DNAJB6: variants seen among roughly 807,000 people sequenced by gnomAD.
The protein encoded by DNAJB6 is dnaJ homolog subfamily B member 6.
DNAJB6 carries 16 observed loss-of-function variants against 42.7 expected under a neutral mutation model. That is an observed-to-expected ratio of 0.37 (90% confidence interval 0.25 to 0.57). The LOEUF (loss-of-function observed/expected upper bound fraction) is 0.57. Among genes scored for constraint, DNAJB6 ranks in the 20% least tolerant of loss-of-function variants. DNAJB6 has a pLI of 0.74. For synonymous variants in DNAJB6, 170 were observed against 163.5 expected (o/e 1.04, Z -0.30); for missense variants, 347 against 416.8 (o/e 0.83, Z 1.46).
At chr7:157,361,651 T>A (rs2116965488) in intron 2 of DNAJB6, among the ~76,000 whole-genome samples, 1 of 152,324 alleles carries the variant, frequency 6.6e-6, no homozygotes, top group Non-Finnish European at 1.5e-5. Flanking sequence ...TAGTCTGAAA[T>A]TTTGAGGGGT....
intron 1 of DNAJB6, among the ~76,000 whole-genome samples, chr7:157,346,906 A>T (rs1287185648): frequency 2.6e-5 from 4 of 152,090 alleles, no homozygotes; most frequent in South Asian, 2.1e-4. Flanking sequence ...CCCAGGCTGC[A>T]GTGCAGTGGT....
intron 1 of DNAJB6, among the ~76,000 whole-genome samples, chr7:157,356,999 T>TCA: frequency 6.6e-6 from 1 of 150,484 alleles, no homozygotes; most frequent in Admixed American, 6.6e-5. Context: ...AGGACTTCCA[T>TCA]AAAAACAAGA....
intron 7 of DNAJB6, 28 bp from the exon 8 acceptor site, chr7:157,385,513 G>A (rs979837703): frequency 6.2e-7 from 1 of 1,607,464 alleles, no homozygotes. Context: ...TTACCAGAAA[G>A]GTTTTTAAAT....
chr7:157,372,993 C>T (rs895144668), intron 5 of DNAJB6, among the ~76,000 whole-genome samples: 1 of 152,230 alleles, frequency 6.6e-6, no homozygotes, highest in Admixed American at 6.5e-5. Flanking sequence ...TGGCCTCCAA[C>T]CGCTAGGCTC....
chr7:157,390,272 G>A (rs935860915), intron 8 of DNAJB6, among the ~76,000 whole-genome samples: 7 of 152,252 alleles, frequency 4.6e-5, no homozygotes, highest in African/African-American at 1.7e-4. Context: ...ATGTGGATCC[G>A]AAGGACCTGC....
Position 157,367,382 on chromosome 7 carries a change from A to C in DNAJB6, c.245A>C (p.His82Pro). ...GLNGGGGGGSHFDSPFEFGFT... is the reference protein window; with the variant it reads ...GLNGGGGGGSPFDSPFEFGFT... The stretch of plus-strand genomic sequence containing the variant: ...TGTTGTATTTGTGCAGGTGGAAGTC[A>C]TTTTGACAGTCCATTTGAATTTGGC... Residue 82 changes from histidine to proline, a missense_variant, in exon 5 of 10, where the codon CAT becomes CCT. His to Pro is a moderately conservative substitution (Grantham distance 77). Around this residue, in one of 3 missense-constraint regions of DNAJB6, gnomAD observed 78 missense variants for 102.1 expected, o/e 0.76. Coordinates refer to ENST00000262177, the MANE Select transcript of DNAJB6 (RefSeq NM_058246.4). 6.2e-7 allele frequency: 1 copy of C among 1,609,440 alleles called. No individual in the cohort carries two copies. The highest frequency in any genetic ancestry group is 8.5e-7 in the Non-Finnish European group (1 of 1,175,700).
At chr7:157,359,581 C>T (rs372745416) in intron 2 of DNAJB6, among the ~76,000 whole-genome samples, 6 of 151,860 alleles carry the variant, frequency 4.0e-5, no homozygotes, top group South Asian at 2.1e-4. Flanking sequence ...CCTAGCACTT[C>T]GAGAGGCCTA....
chr7:157,388,779 A>T (rs1477051824), intron 8 of DNAJB6, among the ~76,000 whole-genome samples: 1 of 152,018 alleles, frequency 6.6e-6, no homozygotes, highest in South Asian at 2.1e-4. Flanking sequence ...TTTTGTCTGG[A>T]GGGCTCAATA....
At chr7:157,410,215 C>T (rs1363381697) in intron 9 of DNAJB6, 7 of 1,203,136 alleles carry the variant, frequency 5.8e-6, no homozygotes, top group East Asian at 5.7e-5. Context: ...ACCGTTAAAA[C>T]GGGGTCCGCG....
chr7:157,403,750 A>T (rs1795629439), intron 8 of DNAJB6, among the ~76,000 whole-genome samples: 1 of 152,190 alleles, frequency 6.6e-6, no homozygotes, highest in African/African-American at 2.4e-5. Flanking sequence ...TTGTCGTTTC[A>T]CAATACCTTG....
intron 8 of DNAJB6, among the ~76,000 whole-genome samples, chr7:157,398,283 G>A (rs1047765270): frequency 6.6e-6 from 1 of 152,194 alleles, no homozygotes; most frequent in Non-Finnish European, 1.5e-5. Context: ...CTTCTGATGG[G>A]CCAGGCATGC....
chr7:157,355,270 C>T (rs188808402), intron 1 of DNAJB6, among the ~76,000 whole-genome samples: 1 of 152,350 alleles, frequency 6.6e-6, no homozygotes, highest in East Asian at 1.9e-4. Flanking sequence ...ACGCCGTTCT[C>T]CTGCCTCACC....
intron 1 of DNAJB6, among the ~76,000 whole-genome samples, chr7:157,348,449 C>T (rs1253369638): frequency 6.6e-6 from 1 of 152,140 alleles, no homozygotes; most frequent in Non-Finnish European, 1.5e-5. Flanking sequence ...TGCACCAGTC[C>T]TAGCGTTTGT....
chr7:157,385,353 T>A (rs1801000283), intron 7 of DNAJB6, among the ~76,000 whole-genome samples, 188 bp from the exon 8 acceptor site: 1 of 152,226 alleles, frequency 6.6e-6, no homozygotes, highest in African/African-American at 2.4e-5. Context: ...ACAATTTATT[T>A]TGTCAGGTTA....
chr7:157,352,407 C>G (rs1334128404), intron 1 of DNAJB6, among the ~76,000 whole-genome samples: 1 of 151,382 alleles, frequency 6.6e-6, no homozygotes, highest in Admixed American at 6.6e-5. Flanking sequence ...TTGCTGAAGG[C>G]TTTATTTAAT....
intron 2 of DNAJB6, among the ~76,000 whole-genome samples, chr7:157,359,493 G>A (rs1799472073): frequency 6.6e-6 from 1 of 152,108 alleles, no homozygotes; most frequent in African/African-American, 2.4e-5. Context: ...GGTTATATTT[G>A]TGAGCCACTG....
At position 157,382,339 on chromosome 7, in the gene DNAJB6, T is replaced by C; in HGVS notation, c.440T>C (p.Phe147Ser). The C allele has an allele frequency of 6.2e-7, 1 of 1,611,430 alleles. No individual in the cohort carries two copies. Among genetic ancestry groups the C allele is most frequent in the Non-Finnish European group, 8.5e-7 (1 of 1,179,660 alleles). The stretch of plus-strand genomic sequence containing the variant: ...TCGTTTTTCTCTGCGTTCAGTGGAT[T>C]TCCGTCTTTTGGAAGTGGATTTTCT... ...TGSFFSAFSG[F>S]PSFGSGFSSF... Residue 147 changes from phenylalanine (F) to serine (S), a missense_variant, in exon 6 of 10, where the codon TTT becomes TCT. By Grantham distance (155) the Phe-to-Ser change is radical. Coordinates refer to ENST00000262177, the MANE Select transcript of DNAJB6 (RefSeq NM_058246.4).
intron 5 of DNAJB6, among the ~76,000 whole-genome samples, chr7:157,376,602 A>G (rs1800484780): frequency 1.3e-5 from 2 of 152,178 alleles, no homozygotes; most frequent in African/African-American, 4.8e-5. Flanking sequence ...GAGGCATGAG[A>G]CATCAATCAG....
chr7:157,347,725 A>G (rs1225097949), intron 1 of DNAJB6, among the ~76,000 whole-genome samples: 1 of 152,234 alleles, frequency 6.6e-6, no homozygotes, highest in African/African-American at 2.4e-5. Flanking sequence ...CTAATTAAGC[A>G]TCATATGACT....
Sources: gnomAD v4.1 joint callset for allele counts (sites outside exome capture counted in the v4.1 genomes callset) on GRCh38, gnomAD v4.1.1 for gene constraint, gnomAD v4.1.1 regional missense constraint, MANE v1.5 for transcripts, NCBI Gene and HGNC (gene_info 2026-07-23, HGNC 2026-07-21) for gene names.